ZCCHC7: variants seen among roughly 807,000 people sequenced by gnomAD.
ZCCHC7 encodes the protein zinc finger CCHC-type containing 7.
Under a neutral mutation model 52.0 loss-of-function variants are expected in ZCCHC7, and 35 were observed. The observed-to-expected ratio is 0.67, with a 90% confidence interval of 0.51 to 0.89. The LOEUF is 0.89. Ranked by LOEUF, ZCCHC7 falls within the 40% of genes least tolerant of loss-of-function variation. ZCCHC7 has a pLI of 0.00. For synonymous variants in ZCCHC7, 217 were observed against 221.5 expected (o/e 0.98, Z 0.18); for missense variants, 574 against 649.1 (o/e 0.88, Z 1.26).
chr9:37,349,990 A>G (rs1254212176), intron 7 of ZCCHC7, among the ~76,000 whole-genome samples: 1 of 151,170 alleles, frequency 6.6e-6, no homozygotes, highest in Non-Finnish European at 1.5e-5. Context: ...GTTTTACCAT[A>G]TTGGTCAGGC....
chr9:37,302,196 G>A lies in ZCCHC7; in HGVS notation c.619G>A (p.Gly207Ser), dbSNP rs752075261. ...CENSVTEGED[G>S]INWSISDKDI... ...ATTTATTTGTTTTGTAGGAGAAGATGGTATAAACTGGTCCATCAGTGACAA... is the reference window on the plus strand; with the variant it reads ...ATTTATTTGTTTTGTAGGAGAAGATAGTATAAACTGGTCCATCAGTGACAA... The change falls in exon 3 of 9, where the codon GGT becomes AGT. Residue 207 changes from glycine (G) to serine (S), a missense_variant. Physicochemically the swap from Gly to Ser is moderately conservative, Grantham distance 56 (BLOSUM62 0). Coordinates refer to ENST00000336755, the MANE Select transcript of ZCCHC7 (RefSeq NM_032226.3). 18 of 1,606,676 alleles carry A rather than the reference G, an allele frequency of 1.1e-5. No homozygotes were observed. In the East Asian group the frequency reaches 3.4e-4, roughly 30 times the overall value.
intron 2 of ZCCHC7, among the ~76,000 whole-genome samples, chr9:37,263,222 G>T (rs1239635093): frequency 6.6e-6 from 1 of 151,934 alleles, no homozygotes; most frequent in Non-Finnish European, 1.5e-5. Context: ...CAGTTATGGT[G>T]CTTAACAAAA....
At chr9:37,135,262 C>A (rs76353408) in intron 2 of ZCCHC7, among the ~76,000 whole-genome samples, 7,722 of 152,176 alleles carry the variant, frequency 0.051, 642 homozygotes, top group African/African-American at 0.17. Context: ...TAGTTGATGA[C>A]TAATGCACTT....
intron 2 of ZCCHC7, among the ~76,000 whole-genome samples, chr9:37,145,475 C>T (rs1843392202): frequency 6.6e-6 from 1 of 151,514 alleles, no homozygotes; most frequent in African/African-American, 2.4e-5. Flanking sequence ...CCAAAAAGCT[C>T]CAAAATTAAA....
chr9:37,197,530 T>G (rs1823352676), intron 2 of ZCCHC7, among the ~76,000 whole-genome samples: 1 of 152,208 alleles, frequency 6.6e-6, no homozygotes, highest in African/African-American at 2.4e-5. Context: ...GAACTGTTTT[T>G]TATTTTGGAA....
chr9:37,186,694 A>T (rs750757225), intron 2 of ZCCHC7: 119 of 581,570 alleles, frequency 2.0e-4, no homozygotes, highest in Admixed American at 7.1e-4. Flanking sequence ...AGATTCAAAT[A>T]TTTTTTTTTC....
At chr9:37,267,504 C>T (rs1430237642) in intron 2 of ZCCHC7, among the ~76,000 whole-genome samples, 4 of 151,558 alleles carry the variant, frequency 2.6e-5, no homozygotes, top group African/African-American at 9.7e-5. Flanking sequence ...CTCCCAAGCT[C>T]AAGTGATCCT....
At chr9:37,132,835 G>A (rs530226355) in intron 2 of ZCCHC7, among the ~76,000 whole-genome samples, 40 of 152,230 alleles carry the variant, frequency 2.6e-4, no homozygotes, top group Non-Finnish European at 4.4e-4. Flanking sequence ...GACAGTAGCC[G>A]ATGAGCTAAA....
intron 2 of ZCCHC7, among the ~76,000 whole-genome samples, chr9:37,164,352 C>G (rs1821286317): frequency 6.6e-6 from 1 of 151,808 alleles, no homozygotes; most frequent in South Asian, 2.1e-4. Flanking sequence ...GGCTGAGGCA[C>G]AAGAATCACT....
chr9:37,272,891 A>G (rs1364244272), intron 2 of ZCCHC7, among the ~76,000 whole-genome samples: 1 of 152,126 alleles, frequency 6.6e-6, no homozygotes, highest in Non-Finnish European at 1.5e-5. Context: ...GTATGATTGC[A>G]CCACCAATGT....
chr9:37,153,731 C>T (rs964758281), intron 2 of ZCCHC7, among the ~76,000 whole-genome samples: 34 of 151,740 alleles, frequency 2.2e-4, no homozygotes, highest in South Asian at 2.1e-4. Context: ...AAGATGCTAC[C>T]GCTCATCTTG....
At chr9:37,312,904 GAATA>G (rs1829657569) in intron 5 of ZCCHC7, among the ~76,000 whole-genome samples, 3 of 151,958 alleles carry the variant, frequency 2.0e-5, no homozygotes, top group African/African-American at 2.4e-5. Flanking sequence ...GCATAAATAA[GAATA>G]AATAATTAAA....
At chr9:37,282,552 C>CCTCTG (rs1469931538) in intron 2 of ZCCHC7, among the ~76,000 whole-genome samples, 4 of 147,938 alleles carry the variant, frequency 2.7e-5, no homozygotes, top group Non-Finnish European at 4.4e-5. Flanking sequence ...TTGCAGTGAG[C>CCTCTG]CAAGATCCTG....
At chr9:37,300,795 T>G (rs1180256185) in intron 2 of ZCCHC7, among the ~76,000 whole-genome samples, 1 of 152,186 alleles carries the variant, frequency 6.6e-6, no homozygotes, top group African/African-American at 2.4e-5. Context: ...CACTTTAGTT[T>G]CTGCATTAGT....
intron 2 of ZCCHC7, among the ~76,000 whole-genome samples, chr9:37,146,914 T>G (rs1406521597): frequency 2.0e-5 from 3 of 151,878 alleles, no homozygotes; most frequent in East Asian, 3.8e-4. Flanking sequence ...CCTTATATTT[T>G]AAAAACATAG....
At chr9:37,325,054 A>G (rs1038084858) in intron 5 of ZCCHC7, among the ~76,000 whole-genome samples, 2 of 152,262 alleles carry the variant, frequency 1.3e-5, no homozygotes, top group African/African-American at 4.8e-5. Context: ...GTCAAAATGC[A>G]CAATATAAAC....
intron 7 of ZCCHC7, among the ~76,000 whole-genome samples, chr9:37,350,274 G>A (rs552837327): frequency 3.7e-4 from 56 of 151,958 alleles, no homozygotes; most frequent in South Asian, 2.9e-3. Flanking sequence ...GATTATAGGC[G>A]CATGCCACCA....
rs116637566 is a variant in ZCCHC7 at position 37,323,273 on chromosome 9, G to A, written c.952-4526G>A. Among the ~76,000 whole-genome samples, 721 of 152,282 alleles carry A rather than the reference G, an allele frequency of 4.7e-3. 6 individuals are homozygous for A. Among genetic ancestry groups the A allele is most frequent in the African/African-American group, 0.014 (583 of 41,552 alleles). On this transcript the variant is annotated intron_variant, in intron 5 of 8. Coordinates refer to ENST00000336755, the MANE Select transcript of ZCCHC7 (RefSeq NM_032226.3). ...TTACTACAAATATTAGCAACTATTT[G>A]TGAAATTAACCTTGAAATGTAATCT... is the stretch of plus-strand genomic sequence containing the variant.
intron 6 of ZCCHC7, among the ~76,000 whole-genome samples, chr9:37,328,986 A>T (rs918996280): frequency 6.6e-6 from 1 of 151,954 alleles, no homozygotes; most frequent in Non-Finnish European, 1.5e-5. Context: ...ACACATATAT[A>T]TTACAAATGT....
Sources: gnomAD v4.1 joint callset for allele counts (sites outside exome capture counted in the v4.1 genomes callset) on GRCh38, gnomAD v4.1.1 for gene constraint, MANE v1.5 for transcripts, NCBI Gene and HGNC (gene_info 2026-07-23, HGNC 2026-07-21) for gene names.